The following GPBP1 variants were observed in gnomAD, a reference collection of about 807,000 sequenced individuals.
The protein encoded by GPBP1 is vasculin.
In GPBP1, 13 loss-of-function variants were observed where a neutral mutation model predicts 56.5. The observed-to-expected ratio is 0.23, with a 90% CI of 0.15 to 0.37. GPBP1 has a LOEUF of 0.37. Ranked by LOEUF, GPBP1 falls within the 10% of genes least tolerant of loss-of-function variation. The pLI is 1.00. For synonymous variants in GPBP1, 204 were observed against 188.9 expected (o/e 1.08, Z -0.66); for missense variants, 477 against 572.3 (o/e 0.83, Z 1.70).
chr5:57,210,546 G>A (rs565046369), intron 2 of GPBP1, among the ~76,000 whole-genome samples: 24 of 152,228 alleles, frequency 1.6e-4, no homozygotes, highest in African/African-American at 5.5e-4. Context: ...CCTTTTTTGA[G>A]GGGGAGGGTA....
chr5:57,211,706 C>T (rs1755488650), intron 2 of GPBP1, among the ~76,000 whole-genome samples: 1 of 151,738 alleles, frequency 6.6e-6, no homozygotes, highest in Non-Finnish European at 1.5e-5. Flanking sequence ...GCCTCAGCCT[C>T]CTGAGTAGCT....
intron 2 of GPBP1, among the ~76,000 whole-genome samples, chr5:57,197,490 T>G (rs988427230): frequency 6.6e-6 from 1 of 151,214 alleles, no homozygotes; most frequent in African/African-American, 2.4e-5. Context: ...CCCAAGTAGC[T>G]GGGATTACAG....
chr5:57,257,938 T>G (rs578099438), intron 10 of GPBP1, among the ~76,000 whole-genome samples: 3 of 152,214 alleles, frequency 2.0e-5, no homozygotes, highest in Admixed American at 2.0e-4. Context: ...TCACTGAAGT[T>G]AAAGATCATA....
At chr5:57,186,206 G>A (rs1754278788) in intron 2 of GPBP1, among the ~76,000 whole-genome samples, 1 of 151,926 alleles carries the variant, frequency 6.6e-6, no homozygotes, top group African/African-American at 2.4e-5. Flanking sequence ...AGACCAGCCT[G>A]GGCAACATAC....
intron 2 of GPBP1, among the ~76,000 whole-genome samples, chr5:57,212,780 T>C (rs1276916024): frequency 6.6e-6 from 1 of 150,808 alleles, no homozygotes; most frequent in Non-Finnish European, 1.5e-5. Flanking sequence ...AGCAATTCTC[T>C]TGCCTCAGCC....
intron 3 of GPBP1, among the ~76,000 whole-genome samples, chr5:57,229,477 T>TTTTCC (rs1756347227): frequency 6.7e-6 from 1 of 148,926 alleles, no homozygotes; most frequent in Non-Finnish European, 1.5e-5. Flanking sequence ...TAGAGCTCTA[T>TTTTCC]TTTCCTTTCC....
intron 8 of GPBP1, among the ~76,000 whole-genome samples, chr5:57,248,233 T>C (rs1018304515): frequency 1.3e-4 from 20 of 152,216 alleles, no homozygotes; most frequent in African/African-American, 4.8e-4. Context: ...GAGAAAGGTA[T>C]GTATTGTTAC....
chr5:57,205,404 C>T (rs965001112), intron 2 of GPBP1, among the ~76,000 whole-genome samples: 5 of 152,148 alleles, frequency 3.3e-5, no homozygotes, highest in Non-Finnish European at 7.3e-5. Context: ...ATTTGAGCAT[C>T]CTTTCTCAAT....
intron 3 of GPBP1, among the ~76,000 whole-genome samples, chr5:57,216,790 C>G (rs963412896): frequency 3.3e-5 from 5 of 152,052 alleles, no homozygotes; most frequent in African/African-American, 4.8e-5. Context: ...CTTCGTGTTT[C>G]TGTACTATTC....
chr5:57,211,352 G>A (rs1755467529), intron 2 of GPBP1, among the ~76,000 whole-genome samples: 3 of 151,636 alleles, frequency 2.0e-5, no homozygotes, highest in East Asian at 3.9e-4. Flanking sequence ...ACACTCAGCC[G>A]GTTTTTAAAA....
intron 3 of GPBP1, among the ~76,000 whole-genome samples, chr5:57,218,074 CAAAA>C (rs936035046): frequency 6.6e-5 from 10 of 151,714 alleles, no homozygotes; most frequent in South Asian, 2.1e-4. Context: ...GAAAAAAAAA[CAAAA>C]AAACCCCACT....
intron 2 of GPBP1, among the ~76,000 whole-genome samples, chr5:57,181,516 A>T (rs945627037): frequency 6.6e-6 from 1 of 151,194 alleles, no homozygotes; most frequent in Non-Finnish European, 1.5e-5. Context: ...GCTTATGCCT[A>T]TTATCCTAAT....
intron 2 of GPBP1, among the ~76,000 whole-genome samples, chr5:57,208,898 A>G (rs1487670376): frequency 6.6e-6 from 1 of 150,862 alleles, no homozygotes; most frequent in Admixed American, 6.6e-5. Flanking sequence ...CATGTGATCC[A>G]CCTGCCTGGG....
rs1740569708 is a variant in GPBP1 at position 57,237,312 on chromosome 5, G to A, written c.478+1280G>A. The A allele has an allele frequency of 4.4e-6, 3 of 675,260 alleles. No individual in the cohort carries two copies. In the South Asian group the frequency reaches 5.2e-5, roughly 12 times the overall value. 41.8% of individuals were successfully genotyped at this position (675,260 alleles called of 1,614,324 possible). A position where few individuals can be genotyped will look rare whatever the true frequency, so the allele number is the denominator to read the frequency against. On this transcript the variant is annotated intron_variant, in intron 6 of 11. Transcript: ENST00000506184. ...TTAGAATGAAAGTTTTAAAAATCAA[G>A]AATGCCAGTGAGCGTTTGTCATATA... is the stretch of plus-strand genomic sequence containing the variant.
rs1405832745 is a variant in GPBP1 at position 57,176,101 on chromosome 5, G to T, written c.-357G>T. Reference sequence around the variant, plus strand: ...TCTTTTTGTTTTTGCTTTTTGGCTCGTAAATTGGATATTTCATCTGGAGTG... The same window carrying T: ...TCTTTTTGTTTTTGCTTTTTGGCTCTTAAATTGGATATTTCATCTGGAGTG... On this transcript the variant is annotated 5_prime_UTR_variant, in exon 2 of 12. Transcript: ENST00000506184. 1 of 398,026 alleles carries T rather than the reference G, an allele frequency of 2.5e-6. No individual in the cohort carries two copies. The highest frequency in any genetic ancestry group is 4.4e-6 in the Non-Finnish European group (1 of 225,780). 24.7% of individuals were successfully genotyped at this position (398,026 alleles called of 1,614,324 possible). A position where few individuals can be genotyped will look rare whatever the true frequency, so the allele number is the denominator to read the frequency against.
rs138138619 is a variant in GPBP1 at position 57,258,285 on chromosome 5, T to C, written c.1161-2895T>C. On this transcript the variant is annotated intron_variant, in intron 10 of 11. Transcript: ENST00000506184. ...ATTGCTTAATGACAGGGATATATTC[T>C]GAGAAACGTGTCGTTAGGTGATTTT... is the stretch of plus-strand genomic sequence containing the variant. 2.9e-3 allele frequency among the ~76,000 whole-genome samples: 443 copies of C among 152,314 alleles called. 1 individual carries two copies. Among genetic ancestry groups the C allele is most frequent in the African/African-American group, 0.01 (423 of 41,578 alleles).
chr5:57,230,092 G>A (rs1756383530), intron 3 of GPBP1, among the ~76,000 whole-genome samples: 1 of 151,786 alleles, frequency 6.6e-6, no homozygotes, highest in Admixed American at 6.6e-5. Flanking sequence ...CACCACACCT[G>A]GCTCATTTTT....
At chr5:57,257,406 A>T (rs868038471) in intron 10 of GPBP1, among the ~76,000 whole-genome samples, 2 of 152,276 alleles carry the variant, frequency 1.3e-5, no homozygotes, top group African/African-American at 4.8e-5. Flanking sequence ...AGGCACATAG[A>T]TCATTCTTAG....
At chr5:57,222,897 T>C (rs1756013866) in intron 3 of GPBP1, among the ~76,000 whole-genome samples, 1 of 152,200 alleles carries the variant, frequency 6.6e-6, no homozygotes, top group South Asian at 2.1e-4. Flanking sequence ...GAAAAGATGG[T>C]ATTTCGTTTT....
Sources: allele counts gnomAD v4.1 joint callset (sites outside exome capture counted in the v4.1 genomes callset), GRCh38; gene constraint gnomAD v4.1.1; transcripts MANE v1.5; gene names NCBI Gene and HGNC (gene_info 2026-07-23, HGNC 2026-07-21).